The following GAB1 variants were observed in gnomAD, a reference collection of about 807,000 sequenced individuals.
GAB1 encodes the protein GRB2-associated-binding protein 1.
Under a neutral mutation model 66.5 loss-of-function variants are expected in GAB1, and 19 were observed. That is an observed-to-expected ratio of 0.29 (90% CI 0.20 to 0.42). The LOEUF (loss-of-function observed/expected upper bound fraction) is 0.42, where lower values mean the gene tolerates loss of function less well. GAB1 is among the 10% of genes least tolerant of loss of function. The pLI, the probability that GAB1 is intolerant of heterozygous loss-of-function variation, is 1.00. For missense variants in GAB1, 732 were observed against 858.5 expected, an observed-to-expected ratio of 0.85 and a Z score of 1.84; for synonymous variants, 294 against 301.4, an observed-to-expected ratio of 0.98 and a Z score of 0.25.
At chr4:143,354,689 G>A (rs768631627) in intron 1 of GAB1, among the ~76,000 whole-genome samples, 5 of 152,088 alleles carry the variant, frequency 3.3e-5, no homozygotes, top group Non-Finnish European at 7.4e-5. Flanking sequence ...AATAGAAAAT[G>A]TGCATAGATT....
At chr4:143,356,234 T>C (rs1013719657) in intron 1 of GAB1, among the ~76,000 whole-genome samples, 18 of 152,200 alleles carry the variant, frequency 1.2e-4, no homozygotes, top group African/African-American at 4.1e-4. Flanking sequence ...CTTGATATTG[T>C]GCTGAAGATG....
intron 6 of GAB1, among the ~76,000 whole-genome samples, chr4:143,444,550 T>G (rs1462040109): frequency 6.6e-6 from 1 of 152,212 alleles, no homozygotes; most frequent in African/African-American, 2.4e-5. Context: ...TCAAGAGATC[T>G]TTTAAAGTTT....
intron 1 of GAB1, among the ~76,000 whole-genome samples, chr4:143,371,171 G>T (rs372049270): frequency 0.33 from 50,392 of 151,244 alleles, 8,540 homozygotes; most frequent in South Asian, 0.48. Flanking sequence ...ACCAACAGTG[G>T]AAAAGTGTTC....
At chr4:143,388,086 C>T (rs538444073) in intron 1 of GAB1, among the ~76,000 whole-genome samples, 1 of 152,170 alleles carries the variant, frequency 6.6e-6, no homozygotes. Context: ...GCCCCTACCC[C>T]CTTCCCTTAC....
intron 2 of GAB1, among the ~76,000 whole-genome samples, chr4:143,419,860 T>G (rs1732922274): frequency 6.6e-6 from 1 of 152,158 alleles, no homozygotes; most frequent in Non-Finnish European, 1.5e-5. Flanking sequence ...AGTTCTTCAT[T>G]ATGTAGTATT....
intron 1 of GAB1, among the ~76,000 whole-genome samples, chr4:143,338,196 C>T (rs576414910): frequency 3.3e-5 from 5 of 152,282 alleles, no homozygotes; most frequent in South Asian, 2.1e-4. Flanking sequence ...TCTTATTCTT[C>T]CTCCCCATTG....
Position 143,471,966 on chromosome 4 carries a change from G to A in GAB1, c.*2777G>A, listed in dbSNP as rs757596152. The stretch of plus-strand genomic sequence containing the variant: ...AATGGGCTAAAAACCACTGGTTAAC[G>A]ATGTGACAGTTATGATCTTGGAGAT... On this transcript the variant is annotated 3_prime_UTR_variant, in exon 10 of 10. Coordinates refer to ENST00000262994, the MANE Select transcript of GAB1 (RefSeq NM_002039.4). 1 of 152,138 alleles carries A rather than the reference G, an allele frequency of 6.6e-6. No individual in the cohort carries two copies. The highest frequency in any genetic ancestry group is 1.5e-5 in the Non-Finnish European group (1 of 67,994). The allele number at this position is 152,138 out of a possible 1,614,324, so 9.4% of individuals were successfully genotyped here. A position where few individuals can be genotyped will look rare whatever the true frequency, so the allele number is the denominator to read the frequency against.
chr4:143,399,059 T>C (rs1197754116), intron 1 of GAB1, among the ~76,000 whole-genome samples: 2 of 152,228 alleles, frequency 1.3e-5, no homozygotes, highest in Non-Finnish European at 2.9e-5. Context: ...TGTCTTTTAC[T>C]TTACCTGTTC....
chr4:143,437,799 T>C (rs1178212897), intron 3 of GAB1, among the ~76,000 whole-genome samples, 200 bp from the exon 4 acceptor site: 4 of 152,182 alleles, frequency 2.6e-5, no homozygotes, highest in African/African-American at 7.2e-5. Context: ...AATGCTTTTC[T>C]TGGTTTTGTG....
At chr4:143,355,002 T>G (rs574788612) in intron 1 of GAB1, among the ~76,000 whole-genome samples, 1 of 152,264 alleles carries the variant, frequency 6.6e-6, no homozygotes, top group East Asian at 1.9e-4. Flanking sequence ...AAACATCTGT[T>G]TGTTTTCAAA....
intron 6 of GAB1, among the ~76,000 whole-genome samples, chr4:143,450,874 G>A (rs1734890229): frequency 6.8e-6 from 1 of 147,046 alleles, no homozygotes; most frequent in South Asian, 2.2e-4. Context: ...CTGGGCAACA[G>A]AGCAAGACTG....
intron 1 of GAB1, among the ~76,000 whole-genome samples, chr4:143,369,780 A>T (rs1730040140): frequency 6.6e-6 from 1 of 152,242 alleles, no homozygotes; most frequent in Non-Finnish European, 1.5e-5. Flanking sequence ...CAAGCTGCCT[A>T]TGCAGTTGTG....
chr4:143,466,671 G>A (rs1401997204), intron 9 of GAB1, among the ~76,000 whole-genome samples: 1 of 151,528 alleles, frequency 6.6e-6, no homozygotes, highest in Non-Finnish European at 1.5e-5. Context: ...TGTATTTTTA[G>A]TAGAGACACG....
chr4:143,465,946 A>T (rs1735756891), intron 8 of GAB1, 157 bp from the exon 9 acceptor site: 2 of 710,962 alleles, frequency 2.8e-6, no homozygotes, highest in Non-Finnish European at 4.4e-6. Flanking sequence ...TCAGTTTTTT[A>T]AATATTACTT....
In GAB1 at chr4:143,473,966, A is replaced by T. The variant is rs1295389494; in HGVS notation, c.*4777A>T. The T allele has an allele frequency of 6.6e-6, 1 of 152,164 alleles. No homozygotes were observed. The highest frequency in any genetic ancestry group is 1.9e-4 in the East Asian group (1 of 5,196). The allele number at this position is 152,164 out of a possible 1,614,324, so 9.4% of individuals were successfully genotyped here. A position where few individuals can be genotyped will look rare whatever the true frequency, so the allele number is the denominator to read the frequency against. On this transcript the variant is annotated 3_prime_UTR_variant, in exon 10 of 10. Transcript: ENST00000262994. ...TGGGTATTTGCATGTAACTTCTTTG[A>T]GGAAGTTACCACCATCTCTGATATA...
intron 1 of GAB1, among the ~76,000 whole-genome samples, chr4:143,390,546 T>C (rs1731138854): frequency 6.6e-6 from 1 of 152,104 alleles, no homozygotes; most frequent in South Asian, 2.1e-4. Context: ...CTTTGTTTTT[T>C]CACCTGGAAA....
At chr4:143,466,053 G>A in intron 8 of GAB1, 50 bp from the exon 9 acceptor site, 1 of 1,604,194 alleles carries the variant, frequency 6.2e-7, no homozygotes, top group Non-Finnish European at 8.5e-7. Context: ...AGTACGAGTG[G>A]TATGTCTGGT....
intron 2 of GAB1, among the ~76,000 whole-genome samples, chr4:143,429,859 G>A (rs1733557051): frequency 6.6e-6 from 1 of 152,216 alleles, no homozygotes; most frequent in South Asian, 2.1e-4. Context: ...AAATTCTGGA[G>A]AAGAGAGGCA....
chr4:143,445,690 T>G (rs1734473481), intron 6 of GAB1, among the ~76,000 whole-genome samples: 1 of 152,172 alleles, frequency 6.6e-6, no homozygotes, highest in Non-Finnish European at 1.5e-5. Flanking sequence ...GAGGAGACAT[T>G]GGATTTTATC....
Sources: gnomAD v4.1 joint callset for allele counts (sites outside exome capture counted in the v4.1 genomes callset) on GRCh38, gnomAD v4.1.1 for gene constraint, MANE v1.5 for transcripts, NCBI Gene and HGNC (gene_info 2026-07-23, HGNC 2026-07-21) for gene names.